ANKS1B: variants seen among roughly 807,000 people sequenced by gnomAD.
The protein encoded by ANKS1B is ankyrin repeat and sterile alpha motif domain containing 1B.
A neutral mutation model predicts 148.3 loss-of-function variants in ANKS1B; 36 were observed. That is an observed-to-expected ratio of 0.24 (90% CI 0.19 to 0.32). The LOEUF is 0.32. Among genes scored for constraint, ANKS1B ranks in the 10% least tolerant of loss-of-function variants. ANKS1B has a pLI of 1.00. For synonymous variants in ANKS1B, 542 were observed against 560.8 expected, an observed-to-expected ratio of 0.97 and a Z score of 0.47; for missense variants, 1,157 against 1,542.6, an observed-to-expected ratio of 0.75 and a Z score of 4.19.
At position 99,894,836 on chromosome 12, in the gene ANKS1B, T is replaced by C. The variant is rs757991199; in HGVS notation, c.135-69447A>G. Among the ~76,000 whole-genome samples the C allele has an allele frequency of 4.0e-4, 60 of 150,202 alleles. 3 individuals are homozygous for C. Among genetic ancestry groups the C allele is most frequent in the Non-Finnish European group, 7.3e-4 (49 of 67,272 alleles). ...ATAATAAATATCCAACAATTTATTA[T>C]AAAATAGGCTTTGTGTTAGATGATT... is the stretch of plus-strand genomic sequence containing the variant. On this transcript the variant is annotated intron_variant, in intron 1 of 26. Coordinates refer to ENST00000683438, the MANE Select transcript of ANKS1B (RefSeq NM_001352186.2).
chr12:99,033,736 C>T (rs1371288522), intron 17 of ANKS1B, among the ~76,000 whole-genome samples: 2 of 152,086 alleles, frequency 1.3e-5, no homozygotes, highest in Non-Finnish European at 2.9e-5. Context: ...TGAACACACA[C>T]ACACATTGCT....
intron 8 of ANKS1B, among the ~76,000 whole-genome samples, chr12:99,690,777 G>A (rs1280288378): frequency 6.6e-6 from 1 of 152,180 alleles, no homozygotes; most frequent in Non-Finnish European, 1.5e-5. Context: ...CACAGTGCAA[G>A]CTGTAAGTGG....
At chr12:99,631,199 T>C (rs957865825) in intron 9 of ANKS1B, among the ~76,000 whole-genome samples, 8 of 152,144 alleles carry the variant, frequency 5.3e-5, no homozygotes, top group Admixed American at 4.6e-4. Flanking sequence ...AACAAACTTA[T>C]CCAATCTTGG....
Position 99,646,177 on chromosome 12 carries a change from A to G in ANKS1B, c.1272+8890T>C, listed in dbSNP as rs1362382128. 2.6e-5 allele frequency among the ~76,000 whole-genome samples: 4 copies of G among 152,190 alleles called. No homozygotes were observed. The East Asian group carries it at 5.8e-4, about 22-fold the overall frequency. On this transcript the variant is annotated intron_variant, in intron 9 of 26. Transcript: ENST00000683438. Reference sequence around the variant, plus strand: ...ATTTGGTTTCTTGGTTTTGCCAATTACAAGATAAGTAACATAGACTTGAAG... The same window carrying G: ...ATTTGGTTTCTTGGTTTTGCCAATTGCAAGATAAGTAACATAGACTTGAAG...
At chr12:99,439,855 C>T (rs1178317693) in intron 11 of ANKS1B, among the ~76,000 whole-genome samples, 3 of 151,728 alleles carry the variant, frequency 2.0e-5, no homozygotes, top group Non-Finnish European at 4.4e-5. Flanking sequence ...ATAGCATATT[C>T]ACTCATAATG....
chr12:99,754,991 C>G (rs184574622), intron 8 of ANKS1B, among the ~76,000 whole-genome samples: 2 of 151,584 alleles, frequency 1.3e-5, no homozygotes, highest in Non-Finnish European at 2.9e-5. Context: ...CAAAACATAA[C>G]CAAAATCAGA....
chr12:99,533,793 T>C (rs543241369), intron 9 of ANKS1B, among the ~76,000 whole-genome samples: 82 of 152,314 alleles, frequency 5.4e-4, no homozygotes, highest in Middle Eastern at 3.4e-3. Context: ...ATTTTATGCT[T>C]CACAGAAATC....
At chr12:99,586,162 A>C (rs2097637436) in intron 9 of ANKS1B, among the ~76,000 whole-genome samples, 1 of 152,174 alleles carries the variant, frequency 6.6e-6, no homozygotes. Context: ...TGAATATATA[A>C]AACTGAATGC....
rs1326843518 is a variant in ANKS1B, at chr12:99,260,589, A to G, written c.1757-13725T>C. ...ATTATATCTAGGGAGTATGTTTTAA[A>G]TCAACTTTGCTGTTGCTATGGTAAG... is the stretch of plus-strand genomic sequence containing the variant. On this transcript the variant is annotated intron_variant, in intron 12 of 26. Transcript: ENST00000683438. 2.6e-5 allele frequency among the ~76,000 whole-genome samples: 4 copies of G among 152,230 alleles called. No homozygotes were observed. In the East Asian group the frequency reaches 7.7e-4, roughly 29 times the overall value.
At position 98,992,215 on chromosome 12, in the gene ANKS1B, G is replaced by A. The variant is rs148889183; in HGVS notation, c.2778+60942C>T. Among the ~76,000 whole-genome samples, 600 of 152,224 alleles carry A rather than the reference G, an allele frequency of 3.9e-3. 1 individual carries two copies. The highest frequency in any genetic ancestry group is 6.7e-3 in the Non-Finnish European group (458 of 68,012). ...ATGCCACACTCTTTTCTGTCCCACG[G>A]CTTTTACAATTGTTGTGTCTTCTGC... On this transcript the variant is annotated intron_variant, in intron 17 of 26. Coordinates refer to ENST00000683438, the MANE Select transcript of ANKS1B (RefSeq NM_001352186.2).
intron 15 of ANKS1B, among the ~76,000 whole-genome samples, chr12:99,132,104 G>A (rs1420049928): frequency 6.6e-6 from 1 of 152,118 alleles, no homozygotes; most frequent in African/African-American, 2.4e-5. Flanking sequence ...GGTTTCCATG[G>A]CAACAGAAAA....
chr12:99,520,434 G>T (rs1222285477), intron 9 of ANKS1B, among the ~76,000 whole-genome samples: 1 of 152,124 alleles, frequency 6.6e-6, no homozygotes, highest in Non-Finnish European at 1.5e-5. Context: ...TAAAAAGTCT[G>T]CTGCCAAACA....
At chr12:99,119,566 C>A (rs911932884) in intron 15 of ANKS1B, among the ~76,000 whole-genome samples, 4 of 152,088 alleles carry the variant, frequency 2.6e-5, no homozygotes, top group African/African-American at 9.7e-5. Flanking sequence ...TTCTTGATTT[C>A]TTTGTTCTGT....
chr12:99,927,160 AG>A (rs1488499412), intron 1 of ANKS1B, among the ~76,000 whole-genome samples: 9 of 148,712 alleles, frequency 6.1e-5, no homozygotes, highest in Non-Finnish European at 1.2e-4. Flanking sequence ...AAAAGCTGAA[AG>A]AAAAAAAAAT....
rs771118139 is a variant in ANKS1B at position 99,721,863 on chromosome 12, T to C, written c.1128+51059A>G. On this transcript the variant is annotated intron_variant, in intron 8 of 26. Coordinates refer to ENST00000683438, the MANE Select transcript of ANKS1B (RefSeq NM_001352186.2). ...GTTGTGAATGCAAAGGAAAAGTTCT[T>C]GAAGGAAATTAAAAGTGCGACTCCA... 2.6e-5 allele frequency among the ~76,000 whole-genome samples: 4 copies of C among 152,328 alleles called. No homozygotes were observed. The East Asian group carries it at 7.7e-4, about 29-fold the overall frequency.
Position 99,812,139 on chromosome 12 carries a change from C to T in ANKS1B, c.372+16G>A, listed in dbSNP as rs1463347608. On this transcript the variant is annotated intron_variant, in intron 3 of 26. Coordinates refer to ENST00000683438, the MANE Select transcript of ANKS1B (RefSeq NM_001352186.2). ...CTAGAAAAATTACATCATGAGCAAA[C>T]ATTTGGCAAGTGCACCTGTTCATTG... The T allele has an allele frequency of 1.2e-6, 2 of 1,600,258 alleles. No homozygotes were observed. The highest frequency in any genetic ancestry group is 1.7e-5 in the Admixed American group (1 of 58,716).
intron 14 of ANKS1B, among the ~76,000 whole-genome samples, chr12:99,179,765 G>A (rs2153850220): frequency 6.6e-6 from 1 of 152,266 alleles, no homozygotes; most frequent in South Asian, 2.1e-4. Context: ...GTTGTTGACA[G>A]ATTAAATGTG....
chr12:99,755,579 G>T (rs10860511), intron 8 of ANKS1B, among the ~76,000 whole-genome samples: 62,055 of 141,356 alleles, frequency 0.44, 14,036 homozygotes, highest in South Asian at 0.61. Context: ...TCAGGAAAAT[G>T]GATGCAAAAA....
intron 11 of ANKS1B, among the ~76,000 whole-genome samples, chr12:99,423,931 C>G (rs369594105): frequency 1.3e-5 from 2 of 152,202 alleles, no homozygotes; most frequent in African/African-American, 2.4e-5. Context: ...ATAACCCCCC[C>G]ACCCCGACAC....
Sources: allele counts gnomAD v4.1 joint callset (sites outside exome capture counted in the v4.1 genomes callset), GRCh38; gene constraint gnomAD v4.1.1; transcripts MANE v1.5; gene names NCBI Gene and HGNC (gene_info 2026-07-23, HGNC 2026-07-21).